The following ZNF804A variants were observed in gnomAD, a reference collection of about 807,000 sequenced individuals.
ZNF804A encodes the protein zinc finger protein 804A.
ZNF804A carries 2 observed loss-of-function variants against 16.5 expected under a neutral mutation model. The observed-to-expected ratio is 0.12, with a 90% confidence interval of 0.05 to 0.38. The LOEUF (loss-of-function observed/expected upper bound fraction) is 0.38, where lower values mean the gene tolerates loss of function less well. Ranked by LOEUF, ZNF804A falls within the 10% of genes least tolerant of loss-of-function variation. The pLI is 0.99. For synonymous variants in ZNF804A, 534 were observed against 489.6 expected (o/e 1.09, Z -1.20); for missense variants, 1,473 against 1,390.7 (o/e 1.06, Z -0.94).
At chr2:184,723,844 T>C (rs762547687) in intron 1 of ZNF804A, among the ~76,000 whole-genome samples, 4 of 151,738 alleles carry the variant, frequency 2.6e-5, no homozygotes, top group Non-Finnish European at 4.4e-5. Flanking sequence ...TTCAACAAAG[T>C]ATTTATTTTG....
intron 1 of ZNF804A, among the ~76,000 whole-genome samples, chr2:184,601,577 T>C (rs1261262723): frequency 1.3e-5 from 2 of 152,080 alleles, no homozygotes; most frequent in Non-Finnish European, 2.9e-5. Context: ...TAAACTTGTG[T>C]TTATCGTGTA....
chr2:184,613,601 G>T (rs534124047), intron 1 of ZNF804A, among the ~76,000 whole-genome samples: 49 of 152,108 alleles, frequency 3.2e-4, no homozygotes, highest in Middle Eastern at 6.8e-3. Flanking sequence ...AAGAGATGGG[G>T]GTAAGGGGAA....
rs141543723 is a variant in ZNF804A at position 184,820,468 on chromosome 2, T to C, written c.112-45901T>C. The stretch of plus-strand genomic sequence containing the variant: ...AACTTACAGCCAATATCATACTGAA[T>C]GGGCAAAAACTGGAAGCATTCCCCT... On this transcript the variant is annotated intron_variant, in intron 1 of 3. Coordinates refer to ENST00000302277, the MANE Select transcript of ZNF804A (RefSeq NM_194250.2). Among the ~76,000 whole-genome samples, 13 of 152,172 alleles carry C rather than the reference T, an allele frequency of 8.5e-5. No individual in the cohort carries two copies. In the East Asian group the frequency reaches 2.1e-3, roughly 25 times the overall value.
At chr2:184,633,113 C>T (rs938867651) in intron 1 of ZNF804A, among the ~76,000 whole-genome samples, 4 of 152,138 alleles carry the variant, frequency 2.6e-5, no homozygotes, top group Non-Finnish European at 5.9e-5. Context: ...GGCCCCAAAT[C>T]TTAGTTTATT....
intron 1 of ZNF804A, among the ~76,000 whole-genome samples, chr2:184,789,777 A>T (rs974652061): frequency 4.6e-5 from 7 of 152,004 alleles, no homozygotes; most frequent in Non-Finnish European, 8.8e-5. Flanking sequence ...CAAGAAACCA[A>T]CTTTTAGTTT....
At chr2:184,603,001 G>A (rs1231519271) in intron 1 of ZNF804A, among the ~76,000 whole-genome samples, 1 of 152,042 alleles carries the variant, frequency 6.6e-6, no homozygotes, top group Non-Finnish European at 1.5e-5. Context: ...AGAATAATTT[G>A]ATTAAATTTG....
chr2:184,757,632 T>C (rs1693979577), intron 1 of ZNF804A, among the ~76,000 whole-genome samples: 3 of 152,032 alleles, frequency 2.0e-5, no homozygotes, highest in Admixed American at 2.0e-4. Flanking sequence ...ATTTGAAAGT[T>C]GTTTTGTTTG....
chr2:184,681,032 T>C (rs1692530128), intron 1 of ZNF804A, among the ~76,000 whole-genome samples: 1 of 152,236 alleles, frequency 6.6e-6, no homozygotes, highest in South Asian at 2.1e-4. Context: ...ACAGCTAGCA[T>C]GCCTGGCTGG....
At chr2:184,867,521 C>T (rs995892552) in intron 2 of ZNF804A, among the ~76,000 whole-genome samples, 4 of 152,028 alleles carry the variant, frequency 2.6e-5, no homozygotes, top group African/African-American at 9.7e-5. Context: ...CTACACTGTG[C>T]TTGGAGAGGA....
chr2:184,679,294 C>A (rs1205389101), intron 1 of ZNF804A, among the ~76,000 whole-genome samples: 1 of 152,174 alleles, frequency 6.6e-6, no homozygotes, highest in African/African-American at 2.4e-5. Context: ...AACTAATAGA[C>A]AAGGTAGATG....
chr2:184,790,222 TG>T (rs1407138450), intron 1 of ZNF804A, among the ~76,000 whole-genome samples: 3 of 151,934 alleles, frequency 2.0e-5, no homozygotes, highest in Admixed American at 1.3e-4. Context: ...TTTGCTTTTT[TG>T]TTTTTTTGTT....
intron 2 of ZNF804A, among the ~76,000 whole-genome samples, chr2:184,897,264 G>C (rs957457411): frequency 6.6e-5 from 10 of 152,006 alleles, no homozygotes; most frequent in Non-Finnish European, 1.5e-4. Context: ...AAATTGTCAT[G>C]ATTGATTTTG....
At chr2:184,838,337 A>G (rs1441671869) in intron 1 of ZNF804A, among the ~76,000 whole-genome samples, 1 of 152,058 alleles carries the variant, frequency 6.6e-6, no homozygotes, top group Non-Finnish European at 1.5e-5. Flanking sequence ...CGGGCAGGTT[A>G]AACTGTCTGT....
chr2:184,829,918 A>C lies in ZNF804A; in HGVS notation c.112-36451A>C, dbSNP rs1398838031. ...CTCTACCAAAAAAAAAAAAAAAAAA[A>C]AAAACAAAAACAAAAAAAAAAAAAC... On this transcript the variant is annotated intron_variant, in intron 1 of 3. Coordinates refer to ENST00000302277, the MANE Select transcript of ZNF804A (RefSeq NM_194250.2). Among the ~76,000 whole-genome samples the C allele has an allele frequency of 5.4e-4, 56 of 104,076 alleles. No homozygotes were observed. The Middle Eastern group carries it at 0.015, about 28-fold the overall frequency. 68.3% of individuals were successfully genotyped at this position (104,076 alleles called of 152,430 possible).
intron 1 of ZNF804A, among the ~76,000 whole-genome samples, chr2:184,730,336 C>A (rs773260445): frequency 5.3e-5 from 8 of 152,028 alleles, no homozygotes; most frequent in Non-Finnish European, 1.2e-4. Context: ...CAACCCCTAC[C>A]AGAGTAGTAT....
intron 1 of ZNF804A, among the ~76,000 whole-genome samples, chr2:184,652,697 C>T (rs1447705268): frequency 6.6e-6 from 1 of 152,090 alleles, no homozygotes; most frequent in Non-Finnish European, 1.5e-5. Context: ...ACCTTTTGAT[C>T]TCTTTCTATA....
intron 1 of ZNF804A, among the ~76,000 whole-genome samples, chr2:184,605,890 G>A (rs1691137764): frequency 1.3e-5 from 2 of 152,090 alleles, no homozygotes; most frequent in African/African-American, 2.4e-5. Flanking sequence ...ATAAGATTAA[G>A]TGGAGTAATA....
chr2:184,725,721 A>G (rs1198339096), intron 1 of ZNF804A, among the ~76,000 whole-genome samples: 1 of 151,426 alleles, frequency 6.6e-6, no homozygotes, highest in African/African-American at 2.4e-5. Context: ...TACCACTGCA[A>G]TCAAACACAG....
chr2:184,750,233 T>A (rs1408091247), intron 1 of ZNF804A, among the ~76,000 whole-genome samples: 1 of 151,350 alleles, frequency 6.6e-6, no homozygotes, highest in Non-Finnish European at 1.5e-5. Flanking sequence ...ATAATGTCAA[T>A]GAAAATGATC....
Sources: allele counts gnomAD v4.1 joint callset (sites outside exome capture counted in the v4.1 genomes callset), GRCh38; gene constraint gnomAD v4.1.1; transcripts MANE v1.5; gene names NCBI Gene and HGNC (gene_info 2026-07-23, HGNC 2026-07-21).